Variants in PALM2AKAP2 observed in about 807,000 individuals in gnomAD.
PALM2AKAP2 encodes the protein PALM2-AKAP2 fusion protein.
In PALM2AKAP2, 37 loss-of-function variants were observed where a neutral mutation model predicts 71.5. The observed-to-expected ratio is 0.52, with a 90% CI of 0.40 to 0.68. PALM2AKAP2 has a LOEUF of 0.68. PALM2AKAP2 is among the 30% of genes least tolerant of loss of function. The pLI is 0.00. For missense variants in PALM2AKAP2, 1,224 were observed against 1,191.8 expected, an observed-to-expected ratio of 1.03 and a Z score of -0.40; for synonymous variants, 468 against 478.8, an observed-to-expected ratio of 0.98 and a Z score of 0.29.
At chr9:110,084,540 A>G (rs142087438) in intron 1 of PALM2AKAP2, among the ~76,000 whole-genome samples, 4 of 152,324 alleles carry the variant, frequency 2.6e-5, no homozygotes, top group East Asian at 3.9e-4. Context: ...CAGATACCCA[A>G]ATCTACAGAT....
At chr9:110,016,354 C>T (rs982920536) in intron 7 of PALM2AKAP2, among the ~76,000 whole-genome samples, 3 of 152,100 alleles carry the variant, frequency 2.0e-5, no homozygotes, top group Non-Finnish European at 2.9e-5. Context: ...AATATCTACA[C>T]GTAAGCTATT....
intron 1 of PALM2AKAP2, among the ~76,000 whole-genome samples, chr9:110,122,827 C>G (rs1007889786): frequency 1.3e-5 from 2 of 152,080 alleles, no homozygotes; most frequent in East Asian, 3.9e-4. Context: ...GAAAACCCAC[C>G]CCAAGCTCAG....
At chr9:110,099,663 A>C (rs908818448) in intron 1 of PALM2AKAP2, among the ~76,000 whole-genome samples, 1 of 152,208 alleles carries the variant, frequency 6.6e-6, no homozygotes, top group African/African-American at 2.4e-5. Flanking sequence ...GTCTATTATG[A>C]AATCTCATTT....
intron 1 of PALM2AKAP2, among the ~76,000 whole-genome samples, chr9:109,657,143 CTG>C (rs1283341298): frequency 2.0e-5 from 3 of 152,244 alleles, no homozygotes; most frequent in Non-Finnish European, 4.4e-5. Flanking sequence ...GTCAGAATCT[CTG>C]TGGTCCTAGC....
At chr9:109,855,455 G>A (rs1418008067) in intron 1 of PALM2AKAP2, among the ~76,000 whole-genome samples, 2 of 152,178 alleles carry the variant, frequency 1.3e-5, no homozygotes, top group Non-Finnish European at 2.9e-5. Flanking sequence ...TTCAGGCCCA[G>A]TATGTGTTAG....
rs147487989 is a variant in PALM2AKAP2 at position 109,688,512 on chromosome 9, C to T, written c.5+47646C>T. On this transcript the variant is annotated intron_variant, in intron 1 of 6. Transcript: ENST00000374531. The stretch of plus-strand genomic sequence containing the variant: ...ACTGCAGCCTGATCCCTCAGAATAG[C>T]CCTGCAAAGGGTTTGAAATTGCTGC... Among the ~76,000 whole-genome samples, 180 of 152,318 alleles carry T rather than the reference C, an allele frequency of 1.2e-3. 1 individual carries two copies. The highest frequency in any genetic ancestry group is 4.1e-3 in the African/African-American group (169 of 41,574).
intron 5 of PALM2AKAP2, among the ~76,000 whole-genome samples, chr9:109,930,340 C>T (rs569753939): frequency 1.3e-5 from 2 of 152,260 alleles, no homozygotes; most frequent in Admixed American, 6.5e-5. Flanking sequence ...ATCCTCCTGC[C>T]TCAGCCCCTC....
At chr9:109,694,666 A>G (rs1827943503) in intron 1 of PALM2AKAP2, among the ~76,000 whole-genome samples, 1 of 152,128 alleles carries the variant, frequency 6.6e-6, no homozygotes, top group Admixed American at 6.5e-5. Flanking sequence ...CAAAATAAAT[A>G]CTAAAGGTTT....
At chr9:109,807,321 G>T (rs1827603291) in intron 1 of PALM2AKAP2, among the ~76,000 whole-genome samples, 1 of 152,226 alleles carries the variant, frequency 6.6e-6, no homozygotes, top group Non-Finnish European at 1.5e-5. Flanking sequence ...TGATACCTAG[G>T]TGGAAGTGTT....
intron 1 of PALM2AKAP2, among the ~76,000 whole-genome samples, chr9:109,736,776 C>T (rs1416053472): frequency 6.6e-6 from 1 of 152,096 alleles, no homozygotes; most frequent in African/African-American, 2.4e-5. Flanking sequence ...CGCCATCCCA[C>T]CTTTTGTAGT....
intron 6 of PALM2AKAP2, among the ~76,000 whole-genome samples, chr9:109,969,718 G>A (rs541859410): frequency 6.6e-6 from 1 of 152,164 alleles, no homozygotes; most frequent in Non-Finnish European, 1.5e-5. Flanking sequence ...CTTGGCAGAG[G>A]CTGGGAGCCT....
chr9:110,098,161 A>G (rs1330762184), intron 1 of PALM2AKAP2, among the ~76,000 whole-genome samples: 1 of 149,268 alleles, frequency 6.7e-6, no homozygotes, highest in Non-Finnish European at 1.5e-5. Context: ...GAAAGAGGGG[A>G]GAGGGGAGAG....
intron 1 of PALM2AKAP2, among the ~76,000 whole-genome samples, chr9:110,082,969 C>T (rs1228738458): frequency 2.6e-5 from 4 of 152,034 alleles, no homozygotes; most frequent in Non-Finnish European, 5.9e-5. Context: ...TGGAGAAACC[C>T]CGTCTCTACT....
At chr9:109,758,182 C>T (rs759211440) in intron 1 of PALM2AKAP2, among the ~76,000 whole-genome samples, 6 of 152,080 alleles carry the variant, frequency 3.9e-5, no homozygotes, top group Non-Finnish European at 7.4e-5. Context: ...GCTTGCTCCC[C>T]ATCAGTGCAT....
chr9:109,735,804 G>A (rs1391353519), intron 1 of PALM2AKAP2, among the ~76,000 whole-genome samples: 2 of 152,166 alleles, frequency 1.3e-5, no homozygotes, highest in African/African-American at 4.8e-5. Flanking sequence ...TCATCATGCT[G>A]ATAGGAGGAA....
At chr9:110,017,271 T>A (rs1270775310) in intron 7 of PALM2AKAP2, among the ~76,000 whole-genome samples, 1 of 152,234 alleles carries the variant, frequency 6.6e-6, no homozygotes, top group Non-Finnish European at 1.5e-5. Flanking sequence ...GCTAAACTTG[T>A]GTTGTCTATG....
intron 1 of PALM2AKAP2, among the ~76,000 whole-genome samples, chr9:109,852,415 C>T (rs1428924978): frequency 2.0e-5 from 3 of 152,062 alleles, no homozygotes; most frequent in Admixed American, 6.6e-5. Flanking sequence ...GTATATGTAC[C>T]ACATTTTCTT....
chr9:110,148,909 T>C (rs760987743), intron 2 of PALM2AKAP2, among the ~76,000 whole-genome samples: 1 of 152,248 alleles, frequency 6.6e-6, no homozygotes, highest in Non-Finnish European at 1.5e-5. Flanking sequence ...TTTTAAAAGT[T>C]AGACCTGAAA....
intron 2 of PALM2AKAP2, among the ~76,000 whole-genome samples, chr9:109,876,584 A>G (rs1829727821): frequency 6.6e-6 from 1 of 152,022 alleles, no homozygotes; most frequent in Non-Finnish European, 1.5e-5. Flanking sequence ...GGTTCAAGCA[A>G]TTCTCCTGCC....
Sources: allele counts gnomAD v4.1 joint callset (sites outside exome capture counted in the v4.1 genomes callset), GRCh38; gene constraint gnomAD v4.1.1; transcripts MANE v1.5; gene names NCBI Gene and HGNC (gene_info 2026-07-23, HGNC 2026-07-21).